Variants in TM9SF2 observed in about 807,000 individuals in gnomAD.
The protein encoded by TM9SF2 is transmembrane 9 superfamily member 2.
Under a neutral mutation model 84.9 loss-of-function variants are expected in TM9SF2, and 13 were observed. That is an observed-to-expected ratio of 0.15 (90% CI 0.10 to 0.24). TM9SF2 has a LOEUF of 0.24. TM9SF2 is among the 10% of genes least tolerant of loss of function. TM9SF2 has a pLI of 1.00. For missense variants in TM9SF2, 562 were observed against 818.5 expected, an observed-to-expected ratio of 0.69 and a Z score of 3.82; for synonymous variants, 273 against 285.8, an observed-to-expected ratio of 0.96 and a Z score of 0.45.
At chr13:99,502,680 C>A (rs983313228) in intron 1 of TM9SF2, among the ~76,000 whole-genome samples, 1 of 152,126 alleles carries the variant, frequency 6.6e-6, no homozygotes, top group African/African-American at 2.4e-5. Flanking sequence ...TATACATACA[C>A]AATTATTTCG....
intron 12 of TM9SF2, among the ~76,000 whole-genome samples, chr13:99,550,628 G>T (rs944299510): frequency 6.6e-6 from 1 of 152,162 alleles, no homozygotes; most frequent in African/African-American, 2.4e-5. Context: ...GGGGCAGGGG[G>T]ACTTGGTGTT....
At chr13:99,554,135 C>T (rs2046317055) in intron 13 of TM9SF2, among the ~76,000 whole-genome samples, 169 bp from the exon 14 acceptor site, 1 of 152,046 alleles carries the variant, frequency 6.6e-6, no homozygotes, top group South Asian at 2.1e-4. Flanking sequence ...CTGATGGTAC[C>T]TGGATGATGG....
At chr13:99,510,883 ACTTTGTGGG>A (rs2046110984) in intron 1 of TM9SF2, among the ~76,000 whole-genome samples, 1 of 152,052 alleles carries the variant, frequency 6.6e-6, no homozygotes, top group African/African-American at 2.4e-5. Context: ...CTAGTATAGG[ACTTTGTGGG>A]CATTAAATAC....
At chr13:99,538,904 CAAAACAA>C (rs1381618480) in intron 6 of TM9SF2, among the ~76,000 whole-genome samples, 6 of 149,906 alleles carry the variant, frequency 4.0e-5, no homozygotes, top group South Asian at 2.1e-4. Flanking sequence ...GTCTCAAAAA[CAAAACAA>C]AAAACAAAAA....
intron 3 of TM9SF2, among the ~76,000 whole-genome samples, chr13:99,520,653 C>T (rs1379742186): frequency 2.0e-5 from 3 of 152,214 alleles, no homozygotes; most frequent in Non-Finnish European, 4.4e-5. Context: ...ACTGCAACCT[C>T]TGCCTCCCGG....
chr13:99,524,217 G>A (rs79622763), intron 3 of TM9SF2, among the ~76,000 whole-genome samples: 22 of 152,274 alleles, frequency 1.4e-4, no homozygotes, highest in Admixed American at 1.0e-3. Flanking sequence ...AGAATGGACC[G>A]TGGGGGTGCG....
At chr13:99,517,973 TTA>T (rs1296838091) in intron 2 of TM9SF2, among the ~76,000 whole-genome samples, 3 of 152,348 alleles carry the variant, frequency 2.0e-5, no homozygotes, top group Admixed American at 1.3e-4. Context: ...AACAAAATTT[TTA>T]TGTCCCACAT....
chr13:99,520,042 T>C lies in TM9SF2; in HGVS notation c.246T>C (p.Asp82=), dbSNP rs772684534. ...SVLPYEYTAF[D]FCQASEGKRP... The stretch of plus-strand genomic sequence containing the variant: ...TTAAATATTCTTCTCCCAGGTTTGA[T>C]TTTTGCCAAGCATCAGAAGGAAAGC... The change falls in exon 3 of 17, where the codon GAT becomes GAC. Residue 82 remains aspartate, a synonymous_variant. Coordinates refer to ENST00000376387, the MANE Select transcript of TM9SF2 (RefSeq NM_004800.3). 2 of 1,612,862 alleles carry C rather than the reference T, an allele frequency of 1.2e-6. No individual in the cohort carries two copies. Among genetic ancestry groups the C allele is most frequent in the Non-Finnish European group, 1.7e-6 (2 of 1,179,634 alleles).
chr13:99,539,567 T>C lies in TM9SF2; in HGVS notation c.828+10T>C. 6.7e-7 allele frequency: 1 copy of C among 1,488,508 alleles called. No homozygotes were observed. The highest frequency in any genetic ancestry group is 9.4e-7 in the Non-Finnish European group (1 of 1,065,834). The allele number at this position is 1,488,508 out of a possible 1,614,324, so 92.2% of individuals were successfully genotyped here. A position where few individuals can be genotyped will look rare whatever the true frequency, so the allele number is the denominator to read the frequency against. Reference sequence around the variant, plus strand: ...CTCTGTTAGCTTCGAGGTGAGTCTGTTGTTATCTTTAGTATAACTCTGAAA... The same window carrying C: ...CTCTGTTAGCTTCGAGGTGAGTCTGCTGTTATCTTTAGTATAACTCTGAAA... On this transcript the variant is annotated intron_variant, in intron 7 of 16. Transcript: ENST00000376387.
At chr13:99,555,444 C>A in intron 14 of TM9SF2, 92 bp from the exon 15 acceptor site, 1 of 993,704 alleles carries the variant, frequency 1.0e-6, no homozygotes, top group African/African-American at 1.6e-5. Context: ...AAAAAGCAAA[C>A]CTTTTCAGTT....
At chr13:99,559,845 G>A (rs199710079) in intron 16 of TM9SF2, among the ~76,000 whole-genome samples, 1 of 125,408 alleles carries the variant, frequency 8.0e-6, no homozygotes, top group African/African-American at 3.0e-5. Flanking sequence ...TTTTTTTTTT[G>A]CCACTTCAGA....
intron 1 of TM9SF2, among the ~76,000 whole-genome samples, chr13:99,504,000 A>G (rs1452215741): frequency 1.3e-5 from 2 of 152,230 alleles, no homozygotes; most frequent in Admixed American, 6.5e-5. Flanking sequence ...TAATGGAAAC[A>G]ACTCTTAGAA....
At chr13:99,552,583 T>G (rs2046309609) in intron 13 of TM9SF2, among the ~76,000 whole-genome samples, 1 of 147,062 alleles carries the variant, frequency 6.8e-6, no homozygotes, top group East Asian at 1.9e-4. Context: ...TGATATAAAC[T>G]AATGAAAACA....
chr13:99,537,876 A>G lies in TM9SF2; in HGVS notation c.716+13A>G, dbSNP rs1230594320. Reference sequence around the variant, plus strand: ...TTGAACCGAAAAGGTAATTATATTAATGATAAAAAGTAAACAAGTATAAGT... The same window carrying G: ...TTGAACCGAAAAGGTAATTATATTAGTGATAAAAAGTAAACAAGTATAAGT... On this transcript the variant is annotated intron_variant, in intron 6 of 16. Coordinates refer to ENST00000376387, the MANE Select transcript of TM9SF2 (RefSeq NM_004800.3). The G allele has an allele frequency of 7.5e-6, 12 of 1,598,418 alleles. No individual in the cohort carries two copies. The South Asian group carries it at 1.2e-4, about 15-fold the overall frequency.
chr13:99,554,541 A>G, intron 14 of TM9SF2, 86 bp downstream of exon 14: 1 of 1,381,402 alleles, frequency 7.2e-7, no homozygotes, highest in Non-Finnish European at 9.8e-7. Flanking sequence ...TACTATTTGT[A>G]TCCTGTAAAT....
Position 99,517,594 on chromosome 13 carries a change from TTG to T in TM9SF2, c.172-16_172-15del. ...GTGTCCTGTTGTTTATATTCTAATT[TTG>T]TGTTTCCTTATTTTCAGGCCGAAAT... On this transcript the variant is annotated intron_variant, in intron 1 of 16. Coordinates refer to ENST00000376387, the MANE Select transcript of TM9SF2 (RefSeq NM_004800.3). 2 of 1,535,306 alleles carry T rather than the reference TTG, an allele frequency of 1.3e-6. No individual in the cohort carries two copies. Among genetic ancestry groups the T allele is most frequent in the Non-Finnish European group, 1.8e-6 (2 of 1,136,588 alleles).
At position 99,562,859 on chromosome 13, in the gene TM9SF2, T is replaced by C. The variant is rs1442172307; in HGVS notation, c.*101T>C. On this transcript the variant is annotated 3_prime_UTR_variant, in exon 17 of 17. Coordinates refer to ENST00000376387, the MANE Select transcript of TM9SF2 (RefSeq NM_004800.3). ...TTGAGTTTTATCAGAATTATTGGCC[T>C]AGTAATCCTTCAGAAACACCGTAAT... 3.5e-5 allele frequency: 39 copies of C among 1,105,070 alleles called. No homozygotes were observed. The highest frequency in any genetic ancestry group is 2.2e-4 in the Middle Eastern group (1 of 4,558). 68.5% of individuals were successfully genotyped at this position (1,105,070 alleles called of 1,614,324 possible).
chr13:99,516,427 C>A (rs1407925621), intron 1 of TM9SF2, among the ~76,000 whole-genome samples: 1 of 152,176 alleles, frequency 6.6e-6, no homozygotes, highest in Non-Finnish European at 1.5e-5. Flanking sequence ...AAATACTTGT[C>A]CCAGCTGAAC....
rs896128641 is a variant in TM9SF2, at chr13:99,501,903, C to T, written c.171+126C>T. 17 of 1,361,240 alleles carry T rather than the reference C, an allele frequency of 1.2e-5. No individual in the cohort carries two copies. In the East Asian group the frequency reaches 3.2e-4, roughly 26 times the overall value. The allele number at this position is 1,361,240 out of a possible 1,614,324, so 84.3% of individuals were successfully genotyped here. A position where few individuals can be genotyped will look rare whatever the true frequency, so the allele number is the denominator to read the frequency against. On this transcript the variant is annotated intron_variant, in intron 1 of 16. Transcript: ENST00000376387. ...AGCAGCGGGTGGGGTTGAGTTTCCC[C>T]AGAAGCTTTTGGGGTCTGCTGGGCT...
Sources: allele counts gnomAD v4.1 joint callset (sites outside exome capture counted in the v4.1 genomes callset), GRCh38; gene constraint gnomAD v4.1.1; transcripts MANE v1.5; gene names NCBI Gene and HGNC (gene_info 2026-07-23, HGNC 2026-07-21).